Variants in ALDH2 observed in about 807,000 individuals in gnomAD.
The protein encoded by ALDH2 is aldehyde dehydrogenase 2 family member.
A neutral mutation model predicts 59.6 loss-of-function variants in ALDH2; 44 were observed. The observed-to-expected ratio is 0.74, with a 90% CI of 0.58 to 0.95. The LOEUF (loss-of-function observed/expected upper bound fraction) is 0.95, where lower values mean the gene tolerates loss of function less well. Ranked by LOEUF, ALDH2 falls within the 40% of genes least tolerant of loss-of-function variation. The pLI is 0.00. For synonymous variants in ALDH2, 291 were observed against 284.0 expected (o/e 1.02, Z -0.25); for missense variants, 570 against 696.3 (o/e 0.82, Z 2.04).
chr12:111,777,669 C>T (rs565110485), intron 1 of ALDH2, among the ~76,000 whole-genome samples: 22 of 152,238 alleles, frequency 1.4e-4, no homozygotes, highest in East Asian at 1.9e-4. Flanking sequence ...ACGGGCACCC[C>T]GAGGAGGAGC....
intron 4 of ALDH2, among the ~76,000 whole-genome samples, chr12:111,785,935 G>T (rs2068305446): frequency 6.6e-6 from 1 of 152,064 alleles, no homozygotes; most frequent in South Asian, 2.1e-4. Context: ...TATCTAATTT[G>T]TTGGTGTACA....
intron 1 of ALDH2, among the ~76,000 whole-genome samples, chr12:111,777,869 C>T (rs1014038996): frequency 4.6e-5 from 7 of 152,176 alleles, no homozygotes; most frequent in South Asian, 2.1e-4. Flanking sequence ...TAAAAATTAA[C>T]GATTGACTAA....
intron 11 of ALDH2, among the ~76,000 whole-genome samples, chr12:111,802,913 C>T (rs1237943385): frequency 6.9e-6 from 1 of 145,814 alleles, no homozygotes; most frequent in Non-Finnish European, 1.5e-5. Context: ...TAAAAATAGG[C>T]CAAGCGTGGT....
intron 11 of ALDH2, among the ~76,000 whole-genome samples, chr12:111,801,316 G>T (rs2068449665): frequency 6.6e-6 from 1 of 152,192 alleles, no homozygotes; most frequent in African/African-American, 2.4e-5. Flanking sequence ...TACAATTCAA[G>T]ATGAGATTTG....
chr12:111,792,109 G>A lies in ALDH2; in HGVS notation c.844G>A (p.Val282Met). 6.2e-7 allele frequency: 1 copy of A among 1,609,080 alleles called. No homozygotes were observed. The highest frequency in any genetic ancestry group is 8.5e-7 in the Non-Finnish European group (1 of 1,178,866). The change falls in exon 8 of 13, where the codon GTG becomes ATG. Residue 282 changes from valine (V) to methionine (M), a missense_variant. Val to Met is a conservative substitution (Grantham distance 21). Coordinates refer to ENST00000261733, the MANE Select transcript of ALDH2 (RefSeq NM_000690.4). The part of the protein sequence containing the change: ...VAAGSSNLKR[V>M]TLELGGKSPN... ...TGCTGGGAGCAGCAACCTCAAGAGA[G>A]TGACCTTGGAGCTGGGGGGGAAGAG...
intron 12 of ALDH2, among the ~76,000 whole-genome samples, 189 bp downstream of exon 12, chr12:111,804,162 G>A (rs1347323857): frequency 2.0e-5 from 3 of 152,138 alleles, no homozygotes; most frequent in African/African-American, 7.2e-5. Context: ...CAGGGATTTA[G>A]GGTCTGCTGG....
intron 8 of ALDH2, 52 bp from the exon 9 acceptor site, chr12:111,792,546 C>A (rs2068369350): frequency 1.3e-6 from 2 of 1,573,410 alleles, no homozygotes; most frequent in Non-Finnish European, 1.7e-6. Flanking sequence ...CCACCAGGGC[C>A]AGGGTCCTCC....
At chr12:111,770,189 G>A (rs529824281) in intron 1 of ALDH2, among the ~76,000 whole-genome samples, 20 of 151,510 alleles carry the variant, frequency 1.3e-4, no homozygotes, top group African/African-American at 4.4e-4. Flanking sequence ...CTGCATCACC[G>A]AATTGCTGTG....
At chr12:111,784,435 C>T (rs907686897) in intron 3 of ALDH2, among the ~76,000 whole-genome samples, 14 of 152,346 alleles carry the variant, frequency 9.2e-5, no homozygotes, top group Middle Eastern at 3.4e-3. Flanking sequence ...CCTCTTTGAG[C>T]ATCAGCGCTT....
chr12:111,767,141 C>G lies in ALDH2; in HGVS notation c.114+45C>G, dbSNP rs567143183. On this transcript the variant is annotated intron_variant, in intron 1 of 12. Coordinates refer to ENST00000261733, the MANE Select transcript of ALDH2 (RefSeq NM_000690.4). ...TCGCGCTTTGTTTTCCGGCCCGAGT[C>G]CCCCGCAGGCCCCTAGGAAGGCCCC... 82 of 1,392,638 alleles carry G rather than the reference C, an allele frequency of 5.9e-5. No homozygotes were observed. The East Asian group carries it at 1.5e-3, about 25-fold the overall frequency. 86.3% of individuals were successfully genotyped at this position (1,392,638 alleles called of 1,614,324 possible).
In ALDH2 at chr12:111,783,607, T is replaced by G. The variant is rs142399818; in HGVS notation, c.360+309T>G. Among the ~76,000 whole-genome samples, 21 of 152,304 alleles carry G rather than the reference T, an allele frequency of 1.4e-4. 1 individual carries two copies. The East Asian group carries it at 3.9e-3, about 28-fold the overall frequency. On this transcript the variant is annotated intron_variant, in intron 3 of 12. Transcript: ENST00000261733. ...TCACTGCAACCTCCACCTCCTGGGTTCAAGTGATTCTCCTGCCTCAGCCTC... is the reference window on the plus strand; with the variant it reads ...TCACTGCAACCTCCACCTCCTGGGTGCAAGTGATTCTCCTGCCTCAGCCTC...
intron 1 of ALDH2, among the ~76,000 whole-genome samples, chr12:111,768,641 C>T (rs2068176238): frequency 1.3e-5 from 2 of 152,078 alleles, no homozygotes; most frequent in South Asian, 2.1e-4. Flanking sequence ...GATTTCGAGA[C>T]CAGCCTGGGC....
intron 11 of ALDH2, among the ~76,000 whole-genome samples, 156 bp from the exon 12 acceptor site, chr12:111,803,703 C>T (rs1430128147): frequency 6.6e-6 from 1 of 151,580 alleles, no homozygotes; most frequent in East Asian, 1.9e-4. Context: ...GCCATGGCAA[C>T]TCCAGCCTGG....
At chr12:111,807,866 G>T (rs932225884) in intron 12 of ALDH2, among the ~76,000 whole-genome samples, 1 of 150,488 alleles carries the variant, frequency 6.6e-6, no homozygotes, top group African/African-American at 2.4e-5. Flanking sequence ...AGAAGAATTA[G>T]GTGGCTCAAT....
intron 3 of ALDH2, among the ~76,000 whole-genome samples, chr12:111,784,450 C>T (rs1428985993): frequency 1.3e-5 from 2 of 152,246 alleles, no homozygotes; most frequent in Non-Finnish European, 2.9e-5. Flanking sequence ...GCGCTTGCAC[C>T]TGCCTGGGAT....
rs2068560226 is a variant in ALDH2 at position 111,814,790 on chromosome 12, A to G, written c.*5215A>G. The G allele has an allele frequency of 6.6e-6, 1 of 150,938 alleles. No individual in the cohort carries two copies. The highest frequency in any genetic ancestry group is 1.5e-5 in the Non-Finnish European group (1 of 67,798). 9.3% of individuals were successfully genotyped at this position (150,938 alleles called of 1,614,324 possible). On this transcript the variant is annotated 3_prime_UTR_variant, in exon 13 of 13. Transcript: ENST00000261733. ...GAGGCAGAGGTTGCGGTTAGCCAAGATTGTGCCACTGCACTCCATGGGTGA... is the reference window on the plus strand; with the variant it reads ...GAGGCAGAGGTTGCGGTTAGCCAAGGTTGTGCCACTGCACTCCATGGGTGA...
chr12:111,782,289 T>C (rs2068278261), intron 2 of ALDH2, among the ~76,000 whole-genome samples: 1 of 152,262 alleles, frequency 6.6e-6, no homozygotes, highest in South Asian at 2.1e-4. Flanking sequence ...AGGTCAGAGA[T>C]GGAAACCTTG....
chr12:111,793,573 G>A (rs185022735), intron 9 of ALDH2, among the ~76,000 whole-genome samples: 1 of 151,262 alleles, frequency 6.6e-6, no homozygotes, highest in East Asian at 1.9e-4. Context: ...TAGGTCTGTA[G>A]TGTATATTCG....
rs147086207 is a variant in ALDH2, at chr12:111,783,266, G to A, written c.328G>A (p.Asp110Asn). ...GGGCCGGCTGCTGAACCGCCTGGCCGATCTGATCGAGCGGGACCGGACCTA... is the reference window on the plus strand; with the variant it reads ...GGGCCGGCTGCTGAACCGCCTGGCCAATCTGATCGAGCGGGACCGGACCTA... ...HRGRLLNRLA[D>N]LIERDRTYLA... The change falls in exon 3 of 13, where the codon GAT becomes AAT. Residue 110 changes from aspartate to asparagine, a missense_variant. Transcript: ENST00000261733. The A allele has an allele frequency of 7.4e-6, 12 of 1,612,378 alleles. No homozygotes were observed. Among genetic ancestry groups the A allele is most frequent in the South Asian group, 2.2e-5 (2 of 90,712 alleles).
Sources: allele counts gnomAD v4.1 joint callset (sites outside exome capture counted in the v4.1 genomes callset), GRCh38; gene constraint gnomAD v4.1.1; transcripts MANE v1.5; gene names NCBI Gene and HGNC (gene_info 2026-07-23, HGNC 2026-07-21).